Variants in ADAMTSL3 observed in about 807,000 individuals in gnomAD.
The protein encoded by ADAMTSL3 is ADAMTS-like protein 3.
In ADAMTSL3, 128 loss-of-function variants were observed where a neutral mutation model predicts 201.7. That is an observed-to-expected ratio of 0.63 (90% CI 0.55 to 0.73). The LOEUF is 0.73. Ranked by LOEUF, ADAMTSL3 falls within the 30% of genes least tolerant of loss-of-function variation. The pLI is 0.00. For missense variants in ADAMTSL3, 1,990 were observed against 2,119.6 expected, an observed-to-expected ratio of 0.94 and a Z score of 1.20; for synonymous variants, 738 against 748.4, an observed-to-expected ratio of 0.99 and a Z score of 0.23.
intron 5 of ADAMTSL3, among the ~76,000 whole-genome samples, chr15:83,814,334 A>G (rs2063740009): frequency 6.6e-6 from 1 of 152,140 alleles, no homozygotes; most frequent in African/African-American, 2.4e-5. Flanking sequence ...TTTATATTTT[A>G]GTCCCCTCCG....
chr15:83,819,001 T>C (rs2063812125), intron 5 of ADAMTSL3, among the ~76,000 whole-genome samples: 1 of 152,070 alleles, frequency 6.6e-6, no homozygotes, highest in African/African-American at 2.4e-5. Flanking sequence ...GGCCGGGCAC[T>C]GTGGCTCACG....
At chr15:83,692,685 CA>C (rs766382952) in intron 2 of ADAMTSL3, among the ~76,000 whole-genome samples, 838 of 43,302 alleles carry the variant, frequency 0.019, 13 homozygotes, top group Admixed American at 0.14. Context: ...GACTCCATCT[CA>C]AAAAAAAAAA....
chr15:83,837,559 TCA>T lies in ADAMTSL3; in HGVS notation c.601-528_601-527del. ...ACTTTGGAAGGCCAAGGCAGGAGGA[TCA>T]CTTGAGCCCAGGAATTCAAGACCAG... On this transcript the variant is annotated intron_variant, in intron 6 of 29. Coordinates refer to ENST00000286744, the MANE Select transcript of ADAMTSL3 (RefSeq NM_207517.3). Among the ~76,000 whole-genome samples, 4 of 152,090 alleles carry T rather than the reference TCA, an allele frequency of 2.6e-5. 1 individual carries two copies. The Middle Eastern group carries it at 0.014, about 517-fold the overall frequency.
chr15:83,919,858 A>C (rs2066105006), intron 16 of ADAMTSL3, among the ~76,000 whole-genome samples: 1 of 152,200 alleles, frequency 6.6e-6, no homozygotes, highest in South Asian at 2.1e-4. Context: ...GGCAGCTTCT[A>C]ATTGTAATAA....
At chr15:83,769,652 GAAGCCATAAA>G (rs2062947302) in intron 3 of ADAMTSL3, among the ~76,000 whole-genome samples, 1 of 152,164 alleles carries the variant, frequency 6.6e-6, no homozygotes, top group Non-Finnish European at 1.5e-5. Flanking sequence ...AGCTTGGCAA[GAAGCCATAAA>G]GCCCATTGAC....
rs1470935933 is a variant in ADAMTSL3, at chr15:83,858,679, A to G, written c.728-87A>G. ...TGAAATATAGTTAAGAATATTTTGC[A>G]GACGCCCCCAGTTTTGATTGACTTG... is the stretch of plus-strand genomic sequence containing the variant. On this transcript the variant is annotated intron_variant, in intron 7 of 29. Transcript: ENST00000286744. 3 of 995,582 alleles carry G rather than the reference A, an allele frequency of 3.0e-6. No individual in the cohort carries two copies. In the East Asian group the frequency reaches 7.4e-5, roughly 24 times the overall value. The allele number at this position is 995,582 out of a possible 1,614,324, so 61.7% of individuals were successfully genotyped here.
Position 83,910,028 on chromosome 15 carries a change from A to G in ADAMTSL3, c.1701-3064A>G, listed in dbSNP as rs72748615. 4.9e-3 allele frequency among the ~76,000 whole-genome samples: 741 copies of G among 152,032 alleles called. 4 individuals carry two copies. The highest frequency in any genetic ancestry group is 7.2e-3 in the Non-Finnish European group (489 of 67,970). On this transcript the variant is annotated intron_variant, in intron 15 of 29. Transcript: ENST00000286744. ...AGCTTCTCTTTCTCTCTCTCTCAAC[A>G]CTGCATTCACTTCCAAGTCTGGCCT...
At chr15:83,993,692 A>G (rs1186545585) in intron 23 of ADAMTSL3, among the ~76,000 whole-genome samples, 1 of 152,208 alleles carries the variant, frequency 6.6e-6, no homozygotes, top group Non-Finnish European at 1.5e-5. Flanking sequence ...AAAAGTCCAC[A>G]TATTTGCCTA....
At chr15:83,801,655 T>G (rs1300387113) in intron 4 of ADAMTSL3, among the ~76,000 whole-genome samples, 1 of 37,108 alleles carries the variant, frequency 2.7e-5, no homozygotes, top group Non-Finnish European at 5.8e-5. Flanking sequence ...AATATAAATA[T>G]ATATATATAT....
intron 23 of ADAMTSL3, among the ~76,000 whole-genome samples, chr15:84,004,539 G>A (rs1435620878): frequency 1.3e-5 from 2 of 152,136 alleles, no homozygotes; most frequent in African/African-American, 4.8e-5. Flanking sequence ...GAGTAATCAG[G>A]AGTAAACTAG....
intron 3 of ADAMTSL3, among the ~76,000 whole-genome samples, chr15:83,730,622 A>T (rs1567105469): frequency 1.3e-5 from 2 of 149,508 alleles, no homozygotes; most frequent in Non-Finnish European, 3.0e-5. Flanking sequence ...TAGAATCATA[A>T]TTTTTTTTTT....
intron 8 of ADAMTSL3, chr15:83,862,197 A>G (rs1371255251): frequency 6.6e-6 from 1 of 152,242 alleles, no homozygotes; most frequent in Non-Finnish European, 1.5e-5. Context: ...AACACTCTGC[A>G]GGGTATTATC....
intron 17 of ADAMTSL3, among the ~76,000 whole-genome samples, chr15:83,933,904 A>G (rs113320622): frequency 3.9e-4 from 59 of 152,296 alleles, no homozygotes; most frequent in Non-Finnish European, 6.8e-4. Context: ...GCAAAAATCG[A>G]GGTTTGGGAG....
At chr15:83,766,080 G>T in intron 3 of ADAMTSL3, among the ~76,000 whole-genome samples, 1 of 141,238 alleles carries the variant, frequency 7.1e-6, no homozygotes, top group African/African-American at 2.5e-5. Flanking sequence ...GGTGCTTCCA[G>T]CTTCCAGCAG....
At chr15:83,665,779 C>T (rs934112188) in intron 2 of ADAMTSL3, among the ~76,000 whole-genome samples, 3 of 152,180 alleles carry the variant, frequency 2.0e-5, no homozygotes, top group African/African-American at 2.4e-5. Flanking sequence ...CTCCGGCCAA[C>T]GTATGCTATA....
rs1272112884 is a variant in ADAMTSL3, at chr15:83,983,003, G to A, written c.3375G>A (p.Val1125=). 6.8e-6 allele frequency: 11 copies of A among 1,614,026 alleles called. No individual in the cohort carries two copies. Among genetic ancestry groups the A allele is most frequent in the Non-Finnish European group, 2.5e-6 (3 of 1,180,040 alleles). Residue 1125 remains valine (V), a synonymous_variant, in exon 21 of 30, where the codon GTG becomes GTA. Coordinates refer to ENST00000286744, the MANE Select transcript of ADAMTSL3 (RefSeq NM_207517.3). The part of the protein sequence containing the change: ...DLASQLIYQL[V]AELAKAQPTH... ...CGTCCCAGCTGATATATCAGCTGGT[G>A]GCCGAATTAGCCAAGGCACAGCCAA...
chr15:83,885,164 C>T lies in ADAMTSL3; in HGVS notation c.1024C>T (p.Gln342Ter). 1 of 1,614,138 alleles carries T rather than the reference C, an allele frequency of 6.2e-7. No individual in the cohort carries two copies. Among genetic ancestry groups the T allele is most frequent in the African/African-American group, 1.3e-5 (1 of 75,052 alleles). ...QFFFYQPISHQWRQTDFFPCT... is the reference protein window; with the variant it reads ...QFFFYQPISH Reference sequence around the variant, plus strand: ...CTTCTTTTACCAGCCCATCAGTCATCAGTGGAGACAAACTGACTTCTTTCC... The same window carrying T: ...CTTCTTTTACCAGCCCATCAGTCATTAGTGGAGACAAACTGACTTCTTTCC... Residue 342 changes from glutamine (Q) to a stop codon, truncating the protein, a stop_gained, in exon 10 of 30, where the codon CAG (glutamine) becomes TAG (stop). Coordinates refer to ENST00000286744, the MANE Select transcript of ADAMTSL3 (RefSeq NM_207517.3). LOFTEE classifies it high-confidence loss of function.
intron 5 of ADAMTSL3, among the ~76,000 whole-genome samples, chr15:83,818,519 G>C (rs922592642): frequency 6.6e-6 from 1 of 152,084 alleles, no homozygotes; most frequent in Non-Finnish European, 1.5e-5. Flanking sequence ...CAGAGACGGG[G>C]TTTCACCATT....
intron 7 of ADAMTSL3, among the ~76,000 whole-genome samples, chr15:83,856,214 C>T (rs1457150322): frequency 4.8e-5 from 7 of 147,254 alleles, no homozygotes; most frequent in Non-Finnish European, 1.0e-4. Flanking sequence ...GTTACCCAGG[C>T]TGGAGTGCAA....
Sources: allele counts gnomAD v4.1 joint callset (sites outside exome capture counted in the v4.1 genomes callset), GRCh38; gene constraint gnomAD v4.1.1; transcripts MANE v1.5; gene names NCBI Gene and HGNC (gene_info 2026-07-23, HGNC 2026-07-21).